The following DNAH9 variants were observed in gnomAD, a reference collection of about 807,000 sequenced individuals.
DNAH9 encodes the protein dynein axonemal heavy chain 9, also known as DNAH9 variant protein.
DNAH9 carries 345 observed loss-of-function variants against 471.6 expected under a neutral mutation model. That is an observed-to-expected ratio of 0.73 (90% CI 0.67 to 0.80). The LOEUF (loss-of-function observed/expected upper bound fraction) is 0.80. Ranked by LOEUF, DNAH9 falls within the 30% of genes least tolerant of loss-of-function variation. DNAH9 has a pLI of 0.00. For missense variants in DNAH9, 5,407 were observed against 5,609.2 expected, an observed-to-expected ratio of 0.96 and a Z score of 1.15; for synonymous variants, 2,093 against 2,123.6, an observed-to-expected ratio of 0.99 and a Z score of 0.40.
intron 29 of DNAH9, among the ~76,000 whole-genome samples, chr17:11,741,837 T>C (rs949195823): frequency 6.6e-6 from 1 of 152,224 alleles, no homozygotes; most frequent in Admixed American, 6.5e-5. Context: ...TACTAATTCA[T>C]GCCTTGTGTA....
intron 17 of DNAH9, among the ~76,000 whole-genome samples, chr17:11,673,718 A>G (rs1012967847): frequency 5.3e-5 from 8 of 151,910 alleles, no homozygotes; most frequent in African/African-American, 1.9e-4. Context: ...GTGAATTTGC[A>G]TCATCCAGCT....
Position 11,883,303 on chromosome 17 carries a change from G to A in DNAH9, c.10807-283G>A, listed in dbSNP as rs1250739945. On this transcript the variant is annotated intron_variant, in intron 55 of 68. Coordinates refer to ENST00000262442, the MANE Select transcript of DNAH9 (RefSeq NM_001372.4). ...TTAGTGAACACTGATAATGCAGTGT[G>A]TTGCCCATTGTGCATTAAGCATAGC... 11 of 1,125,514 alleles carry A rather than the reference G, an allele frequency of 9.8e-6. No homozygotes were observed. In the African/African-American group the frequency reaches 1.4e-4, roughly 14 times the overall value. The allele number at this position is 1,125,514 out of a possible 1,614,324, so 69.7% of individuals were successfully genotyped here.
intron 52 of DNAH9, among the ~76,000 whole-genome samples, chr17:11,874,519 G>T (rs768477770): frequency 6.6e-6 from 1 of 151,896 alleles, no homozygotes; most frequent in Non-Finnish European, 1.5e-5. Flanking sequence ...GTTTGTGCCG[G>T]TTGGTACAGA....
At chr17:11,711,246 T>C (rs1030296780) in intron 26 of DNAH9, among the ~76,000 whole-genome samples, 1 of 152,024 alleles carries the variant, frequency 6.6e-6, no homozygotes, top group Non-Finnish European at 1.5e-5. Context: ...ATAGGAAAGG[T>C]ATGATTGACA....
At position 11,933,877 on chromosome 17, in the gene DNAH9, C is replaced by G. The variant is rs202076353; in HGVS notation, c.12298-3C>G. ...TCCTCTCTTTCTTTCCCCCATCACT[C>G]AGGTCCCCTATGATGATTTGCGCTA... On this transcript the variant is annotated splice_region_variant and splice_polypyrimidine_tract_variant and intron_variant, in intron 64 of 68. Transcript: ENST00000262442. 185 of 1,608,180 alleles carry G rather than the reference C, an allele frequency of 1.2e-4. No homozygotes were observed. In the African/African-American group the frequency reaches 2.2e-3, roughly 19 times the overall value.
chr17:11,940,777 G>A (rs1267716913), intron 66 of DNAH9, among the ~76,000 whole-genome samples: 2 of 152,198 alleles, frequency 1.3e-5, no homozygotes, highest in Non-Finnish European at 2.9e-5. Context: ...TGGGAAAGGG[G>A]ACAAGTGGAG....
intron 57 of DNAH9, among the ~76,000 whole-genome samples, chr17:11,890,507 G>A (rs891166432): frequency 2.6e-5 from 4 of 152,104 alleles, no homozygotes; most frequent in African/African-American, 9.7e-5. Context: ...ATCTTATCTG[G>A]TTTCCATTAA....
chr17:11,840,798 C>T (rs547733710), intron 49 of DNAH9, among the ~76,000 whole-genome samples: 5 of 151,984 alleles, frequency 3.3e-5, no homozygotes, highest in South Asian at 2.1e-4. Context: ...TATGGGGCCA[C>T]GAGCCAAGGA....
intron 68 of DNAH9, among the ~76,000 whole-genome samples, chr17:11,965,471 A>G (rs1208310607): frequency 1.3e-5 from 2 of 152,236 alleles, no homozygotes; most frequent in African/African-American, 4.8e-5. Context: ...AAAAGTCACT[A>G]AACAAACCCT....
intron 14 of DNAH9, among the ~76,000 whole-genome samples, chr17:11,664,017 A>G (rs2073822816): frequency 3.9e-5 from 6 of 152,252 alleles, no homozygotes. Flanking sequence ...CTGAAGAGGT[A>G]AATATGAATC....
At chr17:11,860,982 G>T (rs370663496) in intron 50 of DNAH9, among the ~76,000 whole-genome samples, 1 of 150,194 alleles carries the variant, frequency 6.7e-6, no homozygotes, top group Non-Finnish European at 1.5e-5. Flanking sequence ...TTTCCTTTTG[G>T]TTCTTGATGT....
At chr17:11,779,046 G>A (rs1261179388) in intron 38 of DNAH9, among the ~76,000 whole-genome samples, 1 of 152,004 alleles carries the variant, frequency 6.6e-6, no homozygotes, top group African/African-American at 2.4e-5. Context: ...TCAAGTATAA[G>A]ATGGCAGTGC....
In DNAH9 at chr17:11,784,427, C is replaced by CA. The variant is rs1968784029; in HGVS notation, c.7950dup (p.Leu2651ThrfsTer60). ...GCGTCCCTGCAGAAATCCATCCCCC[C>CA]ACTGATCGATCTGGCCCTCGCCTTC... On this transcript the variant is annotated frameshift_variant, in exon 41 of 69. Coordinates refer to ENST00000262442, the MANE Select transcript of DNAH9 (RefSeq NM_001372.4). LOFTEE classifies it high-confidence loss of function. 4 of 1,614,216 alleles carry CA rather than the reference C, an allele frequency of 2.5e-6. No individual in the cohort carries two copies. Among genetic ancestry groups the CA allele is most frequent in the Non-Finnish European group, 3.4e-6 (4 of 1,180,040 alleles).
At chr17:11,899,182 T>A (rs377340902) in intron 59 of DNAH9, among the ~76,000 whole-genome samples, 109 of 120,556 alleles carry the variant, frequency 9.0e-4, no homozygotes, top group Non-Finnish European at 1.4e-3. Flanking sequence ...ACATGATTTT[T>A]TAAAAAAAAA....
intron 48 of DNAH9, among the ~76,000 whole-genome samples, chr17:11,834,199 C>T (rs1160124290): frequency 1.3e-5 from 2 of 151,906 alleles, no homozygotes; most frequent in East Asian, 3.9e-4. Flanking sequence ...CTTGGTGGCA[C>T]ATGCCTGTAG....
intron 26 of DNAH9, among the ~76,000 whole-genome samples, chr17:11,716,110 G>T (rs1416214026): frequency 7.6e-6 from 1 of 131,704 alleles, no homozygotes; most frequent in Non-Finnish European, 1.5e-5. Flanking sequence ...TTGAGATGAA[G>T]TCTCACCTTG....
intron 17 of DNAH9, 123 bp downstream of exon 17, chr17:11,669,917 T>A: frequency 1.2e-6 from 1 of 856,534 alleles, no homozygotes; most frequent in Non-Finnish European, 1.8e-6. Context: ...AGACAGCTGG[T>A]TAGAGGTTCT....
At chr17:11,831,342 G>A (rs1970679219) in intron 48 of DNAH9, among the ~76,000 whole-genome samples, 2 of 152,138 alleles carry the variant, frequency 1.3e-5, no homozygotes, top group Non-Finnish European at 1.5e-5. Context: ...GGAGGCAAGA[G>A]AGAGAGGGGA....
intron 30 of DNAH9, among the ~76,000 whole-genome samples, chr17:11,743,871 C>T (rs552091961): frequency 4.5e-4 from 68 of 151,798 alleles, no homozygotes; most frequent in African/African-American, 1.6e-3. Flanking sequence ...CCTCTGTCGC[C>T]CAGGGTGGAG....
Sources: allele counts gnomAD v4.1 joint callset (sites outside exome capture counted in the v4.1 genomes callset), GRCh38; gene constraint gnomAD v4.1.1; transcripts MANE v1.5; gene names NCBI Gene and HGNC (gene_info 2026-07-23, HGNC 2026-07-21).